Variants in PHF21B observed in about 807,000 individuals in gnomAD.
The protein encoded by PHF21B is PHD finger protein 4.
In PHF21B, 22 loss-of-function variants were observed where a neutral mutation model predicts 62.2. That is an observed-to-expected ratio of 0.35 (90% CI 0.25 to 0.51). PHF21B has a LOEUF of 0.51. PHF21B is among the 20% of genes least tolerant of loss of function. The probability of loss-of-function intolerance (pLI) is 0.97; values close to 1 mark genes in which losing one functional copy is unlikely to be tolerated. For synonymous variants in PHF21B, 341 were observed against 314.7 expected, an observed-to-expected ratio of 1.08 and a Z score of -0.88; for missense variants, 701 against 707.9, an observed-to-expected ratio of 0.99 and a Z score of 0.11.
chr22:44,918,521 C>A (rs1332102219), intron 3 of PHF21B, among the ~76,000 whole-genome samples: 1 of 152,174 alleles, frequency 6.6e-6, no homozygotes, highest in Non-Finnish European at 1.5e-5. Context: ...GCCGGGAAGC[C>A]CCCGGGTCCA....
At chr22:44,948,538 AC>A (rs1264575477) in intron 2 of PHF21B, among the ~76,000 whole-genome samples, 2 of 150,884 alleles carry the variant, frequency 1.3e-5, no homozygotes, top group Non-Finnish European at 3.0e-5. Context: ...ATAAAAAAAA[AC>A]ATTTAGCTAG....
intron 2 of PHF21B, among the ~76,000 whole-genome samples, chr22:44,945,726 G>C (rs971970016): frequency 1.0e-4 from 7 of 69,208 alleles, no homozygotes; most frequent in South Asian, 4.0e-4. Flanking sequence ...TGGGGGGGGG[G>C]TGGTATAAAG....
At chr22:44,969,616 A>T (rs550962256) in intron 2 of PHF21B, among the ~76,000 whole-genome samples, 1 of 152,222 alleles carries the variant, frequency 6.6e-6, no homozygotes, top group South Asian at 2.1e-4. Flanking sequence ...CAGTGAGCTG[A>T]GATCACGCCA....
chr22:44,983,474 C>T (rs925264162), intron 2 of PHF21B, among the ~76,000 whole-genome samples: 1 of 152,142 alleles, frequency 6.6e-6, no homozygotes, highest in Non-Finnish European at 1.5e-5. Context: ...CCTGAGGAAA[C>T]CGGAACAAAG....
At chr22:44,972,440 G>C (rs1419349937) in intron 2 of PHF21B, among the ~76,000 whole-genome samples, 1 of 152,168 alleles carries the variant, frequency 6.6e-6, no homozygotes, top group African/African-American at 2.4e-5. Flanking sequence ...GGACGCTGCT[G>C]CTCAGTGGAA....
In PHF21B at chr22:45,009,836, G is replaced by T; in HGVS notation, c.-287C>A. The T allele has an allele frequency of 6.8e-6, 1 of 147,364 alleles. No individual in the cohort carries two copies. The highest frequency in any genetic ancestry group is 1.8e-4 in the South Asian group (1 of 5,572). The allele number at this position is 147,364 out of a possible 1,614,324, so 9.1% of individuals were successfully genotyped here. A position where few individuals can be genotyped will look rare whatever the true frequency, so the allele number is the denominator to read the frequency against. ...GCGCGGCCCGGAGCATGGCCCCCCC[G>T]GCGCCGGGAGCCCCGCGCAGCCCCG... On this transcript the variant is annotated 5_prime_UTR_variant, in exon 1 of 13. Coordinates refer to ENST00000313237, the MANE Select transcript of PHF21B (RefSeq NM_138415.5). This position sits in a 1 kb window ranked among gnomAD's most constrained non-coding sequence, Gnocchi z 5.9.
At chr22:44,961,307 A>T (rs992356442) in intron 2 of PHF21B, among the ~76,000 whole-genome samples, 1 of 152,028 alleles carries the variant, frequency 6.6e-6, no homozygotes, top group Non-Finnish European at 1.5e-5. Flanking sequence ...GTACAGGTGC[A>T]GGTTACATAG....
At chr22:44,981,518 A>T (rs1379747683) in intron 2 of PHF21B, among the ~76,000 whole-genome samples, 3 of 152,254 alleles carry the variant, frequency 2.0e-5, no homozygotes, top group Admixed American at 6.5e-5. Flanking sequence ...CCCTGGCTCA[A>T]TGAACAGGCT....
intron 2 of PHF21B, among the ~76,000 whole-genome samples, chr22:44,954,059 C>T (rs1191130052): frequency 6.6e-6 from 1 of 152,224 alleles, no homozygotes; most frequent in Non-Finnish European, 1.5e-5. Flanking sequence ...TGTGGCCCAC[C>T]GTGATTCCTC....
intron 2 of PHF21B, among the ~76,000 whole-genome samples, chr22:44,975,047 C>A (rs2072711261): frequency 6.6e-6 from 1 of 152,196 alleles, no homozygotes; most frequent in South Asian, 2.1e-4. Context: ...GGAGCCACAG[C>A]CTGTCCTGGA....
intron 3 of PHF21B, among the ~76,000 whole-genome samples, chr22:44,916,956 G>A (rs182578944): frequency 1.1e-4 from 17 of 152,368 alleles, no homozygotes; most frequent in Non-Finnish European, 2.2e-4. Flanking sequence ...GCAGTGTGAC[G>A]CCCTGCAGAT....
At position 44,882,307 on chromosome 22, in the gene PHF21B, A is replaced by T. The variant is rs730773; in HGVS notation, c.*779T>A. Reference sequence around the variant, plus strand: ...CCCAGAAACTCCATGAGAAAAACGCATCAACGGCAAACTGAGTCCAAGAGA... The same window carrying T: ...CCCAGAAACTCCATGAGAAAAACGCTTCAACGGCAAACTGAGTCCAAGAGA... On this transcript the variant is annotated 3_prime_UTR_variant, in exon 13 of 13. Transcript: ENST00000313237. 0.62 allele frequency: 94,575 copies of T among 152,494 alleles called. 29,475 individuals are homozygous for T. The highest frequency in any genetic ancestry group is 0.69 in the African/African-American group (28,609 of 41,436). 9.4% of individuals were successfully genotyped at this position (152,494 alleles called of 1,614,324 possible).
At chr22:44,916,691 G>T in intron 3 of PHF21B, 61 bp from the exon 4 acceptor site, 1 of 1,472,682 alleles carries the variant, frequency 6.8e-7, no homozygotes, top group Non-Finnish European at 9.4e-7. Context: ...CAGGGGAGGG[G>T]CCGCCCTGGC....
At chr22:44,969,218 G>C (rs866643080) in intron 2 of PHF21B, 1 of 152,252 alleles carries the variant, frequency 6.6e-6, no homozygotes, top group Non-Finnish European at 1.5e-5. Flanking sequence ...AAAAGGAGGG[G>C]TGTTTTCATC....
chr22:44,955,733 T>C (rs1389177797), intron 2 of PHF21B, among the ~76,000 whole-genome samples: 2 of 152,148 alleles, frequency 1.3e-5, no homozygotes, highest in Non-Finnish European at 2.9e-5. Context: ...AGTCTCCAGT[T>C]TCCAGGTGGT....
chr22:44,885,501 C>T lies in PHF21B; in HGVS notation c.1302G>A (p.Leu434=). The change falls in exon 12 of 13, where the codon CTG becomes CTA. Residue 434 remains leucine, a synonymous_variant. Transcript: ENST00000313237. ...TVKEEEKQKL[L]QRGSELQNEH... ...CGTTCTGCAGCTCACTGCCTCGTTG[C>T]AGCAGCTTCTGCTTCTCCTCTTCTT... 2 of 1,598,636 alleles carry T rather than the reference C, an allele frequency of 1.3e-6. No homozygotes were observed. The highest frequency in any genetic ancestry group is 1.1e-5 in the South Asian group (1 of 88,576).
At position 44,920,395 on chromosome 22, in the gene PHF21B, T is replaced by C. The variant is rs1032763510; in HGVS notation, c.213+3A>G. The stretch of plus-strand genomic sequence containing the variant: ...CCCCAGGGCCCGCCCGAGGGCTGCT[T>C]ACCTGAGGTAGCACTGCCGCTCCTT... On this transcript the variant is annotated splice_donor_region_variant and intron_variant, in intron 3 of 12. Transcript: ENST00000313237. The C allele has an allele frequency of 1.2e-6, 2 of 1,607,184 alleles. No individual in the cohort carries two copies. The highest frequency in any genetic ancestry group is 1.7e-6 in the Non-Finnish European group (2 of 1,175,946).
chr22:44,999,557 GGA>G (rs1354303115), intron 2 of PHF21B, among the ~76,000 whole-genome samples: 6 of 152,184 alleles, frequency 3.9e-5, no homozygotes, highest in African/African-American at 1.4e-4. Flanking sequence ...GCGGTCACCA[GGA>G]CGGTTACTAA....
At chr22:44,931,360 G>A (rs1003553751) in intron 2 of PHF21B, among the ~76,000 whole-genome samples, 16 of 152,224 alleles carry the variant, frequency 1.1e-4, no homozygotes, top group African/African-American at 3.6e-4. Context: ...GCTCCCACCC[G>A]GCTCGGTCTC....
Sources: gnomAD v4.1 joint callset for allele counts (sites outside exome capture counted in the v4.1 genomes callset) on GRCh38, gnomAD v4.1.1 for gene constraint, Gnocchi (gnomAD v3.1) non-coding constraint, MANE v1.5 for transcripts, NCBI Gene and HGNC (gene_info 2026-07-23, HGNC 2026-07-21) for gene names.